MACROD2: variants seen among roughly 807,000 people sequenced by gnomAD.
The protein encoded by MACROD2 is ADP-ribose glycohydrolase MACROD2.
MACROD2 carries 36 observed loss-of-function variants against 70.4 expected under a neutral mutation model. The observed-to-expected ratio is 0.51, with a 90% CI of 0.39 to 0.68. The LOEUF is 0.68. Ranked by LOEUF, MACROD2 falls within the 30% of genes least tolerant of loss-of-function variation. The pLI is 0.00. For missense variants in MACROD2, 496 were observed against 538.4 expected (o/e 0.92, Z 0.78); for synonymous variants, 172 against 178.8 (o/e 0.96, Z 0.30).
At chr20:15,946,355 C>T (rs1344388794) in intron 12 of MACROD2, among the ~76,000 whole-genome samples, 2 of 152,138 alleles carry the variant, frequency 1.3e-5, no homozygotes, top group Non-Finnish European at 2.9e-5. Context: ...TCCCTCCCTC[C>T]CATCCTTCCT....
intron 8 of MACROD2, among the ~76,000 whole-genome samples, chr20:15,657,878 C>T (rs182122016): frequency 3.4e-4 from 51 of 152,172 alleles, no homozygotes; most frequent in African/African-American, 1.2e-3. Context: ...TGTAATACCC[C>T]GCTACTTGTG....
chr20:15,471,992 C>T (rs2046969318), intron 7 of MACROD2, among the ~76,000 whole-genome samples: 1 of 152,188 alleles, frequency 6.6e-6, no homozygotes, highest in Admixed American at 6.5e-5. Context: ...TTATCTTCTA[C>T]CTTTCCTAAA....
Position 14,592,262 on chromosome 20 carries a change from T to C in MACROD2, c.302-92581T>C, listed in dbSNP as rs561424225. ...TATCTGTATTTTAGAAAGTTAAATATGACTATGCCATCTGTAAGCTAGATT... is the reference window on the plus strand; with the variant it reads ...TATCTGTATTTTAGAAAGTTAAATACGACTATGCCATCTGTAAGCTAGATT... On this transcript the variant is annotated intron_variant, in intron 4 of 17. Transcript: ENST00000684519. Among the ~76,000 whole-genome samples the C allele has an allele frequency of 5.3e-5, 8 of 152,306 alleles. No individual in the cohort carries two copies. In the South Asian group the frequency reaches 1.5e-3, roughly 28 times the overall value.
At chr20:14,382,826 C>T (rs2083436643) in intron 3 of MACROD2, among the ~76,000 whole-genome samples, 1 of 152,006 alleles carries the variant, frequency 6.6e-6, no homozygotes, top group East Asian at 1.9e-4. Flanking sequence ...AGAACTTTTA[C>T]CATAACTGAG....
At chr20:15,763,983 A>G (rs2051480843) in intron 8 of MACROD2, among the ~76,000 whole-genome samples, 1 of 152,248 alleles carries the variant, frequency 6.6e-6, no homozygotes, top group Non-Finnish European at 1.5e-5. Context: ...CAAGATTTGC[A>G]TAATTTCAAT....
At chr20:14,395,469 G>C (rs1176958372) in intron 3 of MACROD2, among the ~76,000 whole-genome samples, 1 of 151,314 alleles carries the variant, frequency 6.6e-6, no homozygotes, top group Non-Finnish European at 1.5e-5. Flanking sequence ...TTTGTAATTT[G>C]TGTCTTTATT....
At chr20:14,506,081 C>G (rs2084966380) in intron 4 of MACROD2, among the ~76,000 whole-genome samples, 1 of 152,108 alleles carries the variant, frequency 6.6e-6, no homozygotes, top group African/African-American at 2.4e-5. Context: ...TGTAGTCAAA[C>G]AAGACTCATA....
At chr20:15,608,486 A>G (rs932427834) in intron 8 of MACROD2, among the ~76,000 whole-genome samples, 1 of 152,204 alleles carries the variant, frequency 6.6e-6, no homozygotes, top group African/African-American at 2.4e-5. Flanking sequence ...ACCAACCTGC[A>G]TCAAGGAGCC....
intron 10 of MACROD2, among the ~76,000 whole-genome samples, chr20:15,929,386 A>G (rs2065539080): frequency 6.6e-6 from 1 of 152,154 alleles, no homozygotes; most frequent in Admixed American, 6.6e-5. Context: ...TCCAACATCA[A>G]TGGCATGGAA....
intron 4 of MACROD2, among the ~76,000 whole-genome samples, chr20:14,538,109 CTATAA>C (rs2085388612): frequency 6.6e-6 from 1 of 152,098 alleles, no homozygotes; most frequent in Non-Finnish European, 1.5e-5. Context: ...GAAGGGGATA[CTATAA>C]TATAATGATC....
At chr20:14,767,649 A>T (rs1362214454) in intron 5 of MACROD2, among the ~76,000 whole-genome samples, 2 of 151,712 alleles carry the variant, frequency 1.3e-5, no homozygotes, top group African/African-American at 4.9e-5. Context: ...TTTTTTTTAA[A>T]AAAAATTATA....
At chr20:15,283,442 G>A (rs2077463933) in intron 6 of MACROD2, among the ~76,000 whole-genome samples, 1 of 152,198 alleles carries the variant, frequency 6.6e-6, no homozygotes, top group South Asian at 2.1e-4. Context: ...GGAGGCCGAG[G>A]TGAGTGGATC....
chr20:14,492,495 A>G (rs1215252014), intron 3 of MACROD2, among the ~76,000 whole-genome samples: 1 of 152,160 alleles, frequency 6.6e-6, no homozygotes, highest in Non-Finnish European at 1.5e-5. Context: ...AATCATTAAC[A>G]ATGATATTTG....
chr20:15,728,357 GT>G (rs1322692315), intron 8 of MACROD2, among the ~76,000 whole-genome samples: 1 of 152,016 alleles, frequency 6.6e-6, no homozygotes, highest in Non-Finnish European at 1.5e-5. Flanking sequence ...TTGATCTGAT[GT>G]TTTCTTTTTC....
At chr20:14,936,737 C>T (rs553096636) in intron 5 of MACROD2, among the ~76,000 whole-genome samples, 1 of 152,252 alleles carries the variant, frequency 6.6e-6, no homozygotes, top group South Asian at 2.1e-4. Context: ...TCACCTGTGC[C>T]TGGCACTTGT....
At chr20:15,215,182 G>A (rs16995447) in intron 5 of MACROD2, among the ~76,000 whole-genome samples, 1,767 of 151,354 alleles carry the variant, frequency 0.012, 26 homozygotes, top group African/African-American at 0.039. Context: ...TCTAAATGAA[G>A]CACTATGAAA....
At position 14,767,092 on chromosome 20, in the gene MACROD2, G is replaced by A. The variant is rs1321659813; in HGVS notation, c.418+82133G>A. Among the ~76,000 whole-genome samples, 2 of 152,050 alleles carry A rather than the reference G, an allele frequency of 1.3e-5. 1 individual carries two copies. The highest frequency in any genetic ancestry group is 4.8e-5 in the African/African-American group (2 of 41,372). On this transcript the variant is annotated intron_variant, in intron 5 of 17. Coordinates refer to ENST00000684519, the MANE Select transcript of MACROD2 (RefSeq NM_001351661.2). ...ACTTGTAATCCCAGCACTTTGGGAG[G>A]CCAAAGCAGGAGAAGTGCTTGAGGC... is the stretch of plus-strand genomic sequence containing the variant.
chr20:15,697,534 G>A (rs982953573), intron 8 of MACROD2, among the ~76,000 whole-genome samples: 1 of 152,152 alleles, frequency 6.6e-6, no homozygotes, highest in South Asian at 2.1e-4. Context: ...TTCTGTGCTT[G>A]TTGGATGAAA....
intron 6 of MACROD2, among the ~76,000 whole-genome samples, chr20:15,314,083 C>A (rs2077782869): frequency 6.6e-6 from 1 of 152,020 alleles, no homozygotes. Flanking sequence ...TCATTAGGAC[C>A]AGTAAGTTTT....
Sources: gnomAD v4.1 joint callset for allele counts (sites outside exome capture counted in the v4.1 genomes callset) on GRCh38, gnomAD v4.1.1 for gene constraint, MANE v1.5 for transcripts, NCBI Gene and HGNC (gene_info 2026-07-23, HGNC 2026-07-21) for gene names.